LYPD8: variants seen among roughly 807,000 people sequenced by gnomAD.
LYPD8 encodes the protein ly6/PLAUR domain-containing protein 8.
Under a neutral mutation model 1.7 loss-of-function variants are expected in LYPD8, and 8 were observed. That is an observed-to-expected ratio of 4.58 (90% CI 2.69 to 8.27). LYPD8 has a LOEUF of 8.27. LYPD8 is among the 30% of genes most tolerant of loss of function. LYPD8 has a pLI of 0.00. For missense variants in LYPD8, 112 were observed against 102.3 expected (o/e 1.09, Z -0.41); for synonymous variants, 50 against 43.6 (o/e 1.15, Z -0.58).
chr1:248,749,061 T>C (rs1203158060), intron 4 of LYPD8, among the ~76,000 whole-genome samples: 1 of 152,216 alleles, frequency 6.6e-6, no homozygotes, highest in Non-Finnish European at 1.5e-5. Flanking sequence ...TAGTCAGCCC[T>C]GATTACCTAT....
At chr1:248,746,018 CT>C (rs1386231362) in intron 5 of LYPD8, among the ~76,000 whole-genome samples, 3 of 152,184 alleles carry the variant, frequency 2.0e-5, no homozygotes, top group Admixed American at 1.3e-4. Context: ...ATCCAGCTGT[CT>C]TTTATTAAGT....
At chr1:248,752,802 C>CACCCAACACA (rs1572156318) in intron 2 of LYPD8, among the ~76,000 whole-genome samples, 1,738 of 98,058 alleles carry the variant, frequency 0.018, 148 homozygotes, top group East Asian at 0.036. Flanking sequence ...ACACCACACC[C>CACCCAACACA]CACAACACAC....
chr1:248,755,058 G>A (rs1662900072), intron 2 of LYPD8, among the ~76,000 whole-genome samples, 181 bp downstream of exon 2: 2 of 152,172 alleles, frequency 1.3e-5, no homozygotes, highest in African/African-American at 4.8e-5. Flanking sequence ...GTGAAGACCT[G>A]AAACTAGCCT....
chr1:248,753,078 CCACACCACACTACACA>C (rs1662847616), intron 2 of LYPD8, among the ~76,000 whole-genome samples: 2 of 79,290 alleles, frequency 2.5e-5, no homozygotes, highest in South Asian at 4.5e-4. Context: ...CCCACACACC[CCACACCACACTACACA>C]CACACCACAC....
rs1662546750 is a variant in LYPD8 at position 248,739,610 on chromosome 1, C to T, written c.*1G>A. The T allele has an allele frequency of 6.4e-7, 1 of 1,551,294 alleles. No homozygotes were observed. Among genetic ancestry groups the T allele is most frequent in the Non-Finnish European group, 8.7e-7 (1 of 1,146,980 alleles). ...GCTGGGCAAAGTGCAGCCCCAGGAC[C>T]TCAGGGCAGCAGTCCCCGAAGAAGG... On this transcript the variant is annotated 3_prime_UTR_variant, in exon 7 of 7. Transcript: ENST00000590317. The surrounding 1 kb of genome is among the most constrained non-coding windows in gnomAD (Gnocchi z 4.3).
chr1:248,743,396 C>T lies in LYPD8; in HGVS notation c.475+1746G>A, dbSNP rs186329655. On this transcript the variant is annotated intron_variant, in intron 6 of 6. Transcript: ENST00000590317. ...AGGAGAATCACTTGAACCCAGGAGA[C>T]GGAGGTTGCAGTGAGCTGAGATCGC... Among the ~76,000 whole-genome samples the T allele has an allele frequency of 3.0e-3, 463 of 152,170 alleles. 1 individual carries two copies. Among genetic ancestry groups the T allele is most frequent in the Non-Finnish European group, 5.1e-3 (348 of 67,998 alleles).
In LYPD8 at chr1:248,739,582, G is replaced by A. The variant is rs1662545820; in HGVS notation, c.*29C>T. On this transcript the variant is annotated 3_prime_UTR_variant, in exon 7 of 7. Transcript: ENST00000590317. This position sits in a 1 kb window ranked among gnomAD's most constrained non-coding sequence, Gnocchi z 4.3. ...CTGGACCTCAGAGAAGCAGAAATGG[G>A]GTGCTGGGCAAAGTGCAGCCCCAGG... 4 of 1,550,294 alleles carry A rather than the reference G, an allele frequency of 2.6e-6. No homozygotes were observed. The highest frequency in any genetic ancestry group is 3.5e-6 in the Non-Finnish European group (4 of 1,146,904).
In LYPD8 at chr1:248,740,856, A is replaced by AGGCAT. The variant is rs112604258; in HGVS notation, c.476-1008_476-1007insATGCC. ...TGAGTTCAAGGCTGGCTCTAGGACC[A>AGGCAT]GGTGTCTCACGCCTGTAATCATGGT... On this transcript the variant is annotated intron_variant, in intron 6 of 6. Transcript: ENST00000590317. 1.4e-3 allele frequency among the ~76,000 whole-genome samples: 215 copies of AGGCAT among 149,688 alleles called. 6 individuals carry two copies. Among genetic ancestry groups the AGGCAT allele is most frequent in the South Asian group, 3.7e-3 (17 of 4,636 alleles).
At chr1:248,751,202 C>T (rs1662796195) in intron 2 of LYPD8, 72 bp from the exon 3 acceptor site, 2 of 396,988 alleles carry the variant, frequency 5.0e-6, no homozygotes, top group Admixed American at 4.4e-5. Context: ...CTTTTAATCG[C>T]ACTGTAAGAA....
At position 248,755,698 on chromosome 1, in the gene LYPD8, C is replaced by G. The variant is rs879058935; in HGVS notation, c.-198+7G>C. On this transcript the variant is annotated splice_region_variant and intron_variant, in intron 1 of 6. Transcript: ENST00000590317. ...GGGCTCAGGCCCCGGCCTCGCAGTC[C>G]TCTCACCTTCTGGATCTGGCCTGGT... 8,707 of 152,446 alleles carry G rather than the reference C, an allele frequency of 0.057. 358 individuals are homozygous for G. Among genetic ancestry groups the G allele is most frequent in the Non-Finnish European group, 0.085 (5,769 of 68,100 alleles). 9.4% of individuals were successfully genotyped at this position (152,446 alleles called of 1,614,324 possible). A position where few individuals can be genotyped will look rare whatever the true frequency, so the allele number is the denominator to read the frequency against.
At chr1:248,755,473 A>G (rs1236877876) in intron 1 of LYPD8, 87 bp from the exon 2 acceptor site, 1 of 152,730 alleles carries the variant, frequency 6.5e-6, no homozygotes, top group Non-Finnish European at 1.5e-5. Flanking sequence ...CAAACCACAC[A>G]CACAGTAGCA....
chr1:248,752,857 C>T (rs1229493252), intron 2 of LYPD8, among the ~76,000 whole-genome samples: 19 of 99,970 alleles, frequency 1.9e-4, no homozygotes, highest in South Asian at 3.4e-4. Context: ...ACACACCACA[C>T]CACACACACA....
intron 2 of LYPD8, among the ~76,000 whole-genome samples, chr1:248,753,900 CAT>C (rs1289134888): frequency 9.3e-5 from 14 of 149,988 alleles, no homozygotes; most frequent in Non-Finnish European, 1.3e-4. Flanking sequence ...CCACACATCA[CAT>C]GTCATACATA....
At chr1:248,741,350 G>T (rs1662593777) in intron 6 of LYPD8, among the ~76,000 whole-genome samples, 1 of 152,172 alleles carries the variant, frequency 6.6e-6, no homozygotes, top group Non-Finnish European at 1.5e-5. Context: ...CGGACTACAG[G>T]CGCGTGCCAC....
intron 4 of LYPD8, among the ~76,000 whole-genome samples, chr1:248,749,806 A>T (rs1662765155): frequency 6.6e-6 from 1 of 152,210 alleles, no homozygotes. Context: ...AGAGATAAAT[A>T]GTGAAGTATT....
At chr1:248,754,027 A>G (rs1662884974) in intron 2 of LYPD8, among the ~76,000 whole-genome samples, 2 of 148,704 alleles carry the variant, frequency 1.3e-5, no homozygotes, top group Admixed American at 6.7e-5. Flanking sequence ...ATCACACACC[A>G]CACACCACAC....
chr1:248,742,741 C>CG (rs1215246177), intron 6 of LYPD8, among the ~76,000 whole-genome samples: 1 of 44,400 alleles, frequency 2.3e-5, no homozygotes, highest in Admixed American at 2.9e-4. Flanking sequence ...TGTTGGCAGC[C>CG]GGGGAGATTA....
rs1662542149 is a variant in LYPD8, at chr1:248,739,447, T to A, written c.*164A>T. On this transcript the variant is annotated 3_prime_UTR_variant, in exon 7 of 7. Coordinates refer to ENST00000590317, the MANE Select transcript of LYPD8 (RefSeq NM_001085474.2). This position sits in a 1 kb window ranked among gnomAD's most constrained non-coding sequence, Gnocchi z 4.3. ...AGTGAATGAACCAGTGCTTTAATAA[T>A]GAAGAACAAGGCAGCTGTCGGCATT... The A allele has an allele frequency of 3.2e-6, 3 of 927,870 alleles. No homozygotes were observed. Among genetic ancestry groups the A allele is most frequent in the Non-Finnish European group, 4.8e-6 (3 of 630,218 alleles). 57.5% of individuals were successfully genotyped at this position (927,870 alleles called of 1,614,324 possible). A position where few individuals can be genotyped will look rare whatever the true frequency, so the allele number is the denominator to read the frequency against.
chr1:248,740,799 T>C (rs1553283257), intron 6 of LYPD8, among the ~76,000 whole-genome samples: 1 of 152,034 alleles, frequency 6.6e-6, no homozygotes, highest in East Asian at 1.9e-4. Flanking sequence ...CAAGGCTGGC[T>C]CTAGGACCAG....
Sources: gnomAD v4.1 joint callset for allele counts (sites outside exome capture counted in the v4.1 genomes callset) on GRCh38, gnomAD v4.1.1 for gene constraint, Gnocchi (gnomAD v3.1) non-coding constraint, MANE v1.5 for transcripts, NCBI Gene and HGNC (gene_info 2026-07-23, HGNC 2026-07-21) for gene names.